The following RAB33A variants were observed in gnomAD, a reference collection of about 807,000 sequenced individuals.
RAB33A encodes the protein RAB33A, member RAS oncogene family.
A neutral mutation model predicts 12.0 loss-of-function variants in RAB33A; 6 were observed. The ratio of observed to expected loss-of-function variants is 0.50; its 90% confidence interval spans 0.27 to 0.99. The LOEUF (loss-of-function observed/expected upper bound fraction) is 0.99, where lower values mean the gene tolerates loss of function less well. Among genes scored for constraint, RAB33A ranks in the 50% least tolerant of loss-of-function variants. The pLI, the probability that RAB33A is intolerant of heterozygous loss-of-function variation, is 0.11. For synonymous variants in RAB33A, 70 were observed against 82.4 expected (o/e 0.85, Z 0.81); for missense variants, 109 against 192.0 (o/e 0.57, Z 2.55).
chrX:130,115,251 G>A, the RAB33A span, among the ~76,000 whole-genome samples: 4 of 87,928 alleles, frequency 4.5e-5, no homozygotes, highest in African/African-American at 1.7e-4. Context: ...TGTGGGCAGA[G>A]CAATATACCA....
intron 1 of RAB33A, among the ~76,000 whole-genome samples, chrX:130,181,497 G>A (rs1196170553): frequency 8.9e-6 from 1 of 112,058 alleles, no homozygotes; most frequent in African/African-American, 3.2e-5. Flanking sequence ...GATATATAAA[G>A]GGAAATAGAT....
chrX:130,166,414 T>A, the RAB33A span, among the ~76,000 whole-genome samples: 1 of 112,133 alleles, frequency 8.9e-6, no homozygotes, highest in African/African-American at 3.2e-5. Flanking sequence ...ACACACAGTC[T>A]CCTGCTGTGG....
At chrX:130,136,692 A>G in the RAB33A span, 2 of 1,208,380 alleles carry the variant, frequency 1.7e-6, no homozygotes, top group Non-Finnish European at 2.2e-6. Flanking sequence ...GCTGACTCCA[A>G]CGGATTGCAC....
upstream of RAB33A, among the ~76,000 whole-genome samples, chrX:130,167,391 T>G (rs1279187515): frequency 8.9e-6 from 1 of 112,710 alleles, no homozygotes; most frequent in Non-Finnish European, 1.9e-5. Flanking sequence ...TGGAACTGTT[T>G]TAAAAAACCA....
chrX:130,160,880 T>C, the RAB33A span, among the ~76,000 whole-genome samples: 1 of 100,225 alleles, frequency 1.0e-5, no homozygotes, highest in Non-Finnish European at 2.0e-5. Flanking sequence ...CCGTCTCTAC[T>C]TAAAAATAAA....
the RAB33A span, chrX:130,137,129 T>C: frequency 2.5e-6 from 3 of 1,211,648 alleles, no homozygotes; most frequent in Non-Finnish European, 3.4e-6. Flanking sequence ...GGGAGGATCT[T>C]TCCCATATTT....
chrX:130,140,697 C>T, the RAB33A span: 1 of 746,229 alleles, frequency 1.3e-6, no homozygotes, highest in Non-Finnish European at 2.1e-6. Flanking sequence ...TAATTCACAT[C>T]AAATTCACCA....
chrX:130,162,485 C>T, the RAB33A span, among the ~76,000 whole-genome samples: 5 of 112,320 alleles, frequency 4.5e-5, no homozygotes, highest in South Asian at 1.8e-3. Context: ...CTAAGACATG[C>T]AGTAACTCCC....
At chrX:130,129,180 T>A in the RAB33A span, among the ~76,000 whole-genome samples, 767 of 111,070 alleles carry the variant, frequency 6.9e-3, 8 homozygotes, top group African/African-American at 0.024. Context: ...ACAGCAGGTG[T>A]GTGCAAAGAG....
chrX:130,158,019 T>C, the RAB33A span, among the ~76,000 whole-genome samples: 3 of 109,663 alleles, frequency 2.7e-5, no homozygotes, highest in Non-Finnish European at 5.7e-5. Context: ...TCCCAGCACT[T>C]TGGAAGGCCG....
chrX:130,157,311 C>T, the RAB33A span, among the ~76,000 whole-genome samples: 1 of 112,382 alleles, frequency 8.9e-6, no homozygotes, highest in Non-Finnish European at 1.9e-5. Flanking sequence ...ATGATCATAA[C>T]AGCACCTGTA....
At chrX:130,149,560 C>G in the RAB33A span, 1 of 1,196,195 alleles carries the variant, frequency 8.4e-7, no homozygotes, top group Non-Finnish European at 1.1e-6. Flanking sequence ...CTTTCATAGT[C>G]TTGTAGGCCT....
At chrX:130,130,974 C>T in the RAB33A span, among the ~76,000 whole-genome samples, 2 of 112,691 alleles carry the variant, frequency 1.8e-5, no homozygotes, top group African/African-American at 6.5e-5. Context: ...AAAGGACCTA[C>T]ATATCCATAT....
rs59077749 is a variant in RAB33A, at chrX:130,182,179, T to TACACACACAC, written c.259-2105_259-2104insCACACACACA. ...AAAAATATATATATATATATATATA[T>TACACACACAC]ATACACATATATATAACATATATAC... is the stretch of plus-strand genomic sequence containing the variant. On this transcript the variant is annotated intron_variant, in intron 1 of 1. Coordinates refer to ENST00000257017, the MANE Select transcript of RAB33A (RefSeq NM_004794.3). Among the ~76,000 whole-genome samples, 61 of 72,667 alleles carry TACACACACAC rather than the reference T, an allele frequency of 8.4e-4. 1 individual carries two copies. Among genetic ancestry groups the TACACACACAC allele is most frequent in the African/African-American group, 3.1e-3 (50 of 16,102 alleles). 63.1% of individuals were successfully genotyped at this position (72,667 alleles called of 115,157 possible). A position where few individuals can be genotyped will look rare whatever the true frequency, so the allele number is the denominator to read the frequency against.
At chrX:130,156,798 GTT>G in the RAB33A span, among the ~76,000 whole-genome samples, 2 of 112,125 alleles carry the variant, frequency 1.8e-5, no homozygotes, top group South Asian at 7.4e-4. Context: ...AGTTGCTGAA[GTT>G]TTTAAGAGTA....
At chrX:130,171,195 C>T (rs991281328), upstream of RAB33A, among the ~76,000 whole-genome samples, 6 of 113,254 alleles carry the variant, frequency 5.3e-5, no homozygotes, top group Non-Finnish European at 1.1e-4. Context: ...GCTGTACAGG[C>T]CCCGGACAAC....
chrX:130,111,122 G>T, the RAB33A span, among the ~76,000 whole-genome samples: 1 of 108,261 alleles, frequency 9.2e-6, no homozygotes, highest in Non-Finnish European at 1.9e-5. Flanking sequence ...AGGGGCCCGC[G>T]CGGCCTCTCA....
chrX:130,114,979 T>G, the RAB33A span, among the ~76,000 whole-genome samples: 1 of 111,205 alleles, frequency 9.0e-6, no homozygotes, highest in Non-Finnish European at 1.9e-5. Context: ...AATTTTTGTG[T>G]TTTTTGTAGA....
chrX:130,133,438 G>A, the RAB33A span: 14 of 1,209,643 alleles, frequency 1.2e-5, no homozygotes, highest in Non-Finnish European at 1.6e-5. Flanking sequence ...TATCGTAGAA[G>A]CATGCAGCAT....
Sources: allele counts gnomAD v4.1 joint callset (sites outside exome capture counted in the v4.1 genomes callset), GRCh38; gene constraint gnomAD v4.1.1; transcripts MANE v1.5; gene names NCBI Gene and HGNC (gene_info 2026-07-23, HGNC 2026-07-21).